Variants in DSCAM observed in about 807,000 individuals in gnomAD.
DSCAM encodes DS cell adhesion molecule.
Under a neutral mutation model 217.7 loss-of-function variants are expected in DSCAM, and 47 were observed. The observed-to-expected ratio is 0.22, with a 90% CI of 0.17 to 0.28. The LOEUF is 0.28. DSCAM is among the 10% of genes least tolerant of loss of function. The probability of loss-of-function intolerance (pLI) is 1.00; values close to 1 mark genes in which losing one functional copy is unlikely to be tolerated. For synonymous variants in DSCAM, 1,056 were observed against 1,015.3 expected, an observed-to-expected ratio of 1.04 and a Z score of -0.76; for missense variants, 2,080 against 2,618.3, an observed-to-expected ratio of 0.79 and a Z score of 4.49.
rs41445251 is a variant in DSCAM, at chr21:40,093,821, G to A, written c.3750C>T (p.Asn1250=). The part of the protein sequence containing the change: ...SPDSFSYRIP[N]LSRNRQYSVW... ...CGCTGTACTGACGATTCCTACTCAG[G>A]TTGGGAATTCTGTAGGAAAACGAGT... Residue 1250 remains asparagine (N), a synonymous_variant, in exon 21 of 33, where the codon AAC becomes AAT. Transcript: ENST00000400454. 3,003 of 1,613,946 alleles carry A rather than the reference G, an allele frequency of 1.9e-3. 49 individuals are homozygous for A. The Admixed American group carries it at 0.027, about 15-fold the overall frequency.
intron 3 of DSCAM, among the ~76,000 whole-genome samples, chr21:40,657,717 T>C (rs974211993): frequency 3.3e-5 from 5 of 152,204 alleles, no homozygotes; most frequent in African/African-American, 1.2e-4. Context: ...AAATGATTTC[T>C]AAAGTACTGG....
intron 3 of DSCAM, among the ~76,000 whole-genome samples, chr21:40,645,055 CG>C (rs2089929008): frequency 6.6e-6 from 1 of 152,076 alleles, no homozygotes; most frequent in Admixed American, 6.6e-5. Flanking sequence ...ATACACATAC[CG>C]GGGGCTGCCA....
At chr21:40,743,561 T>C (rs1284252208) in intron 1 of DSCAM, among the ~76,000 whole-genome samples, 2 of 152,082 alleles carry the variant, frequency 1.3e-5, no homozygotes, top group Non-Finnish European at 2.9e-5. Context: ...CCCCAAAACA[T>C]GCAGTGAGGA....
intron 3 of DSCAM, among the ~76,000 whole-genome samples, chr21:40,634,375 T>C (rs571933075): frequency 1.3e-5 from 2 of 152,172 alleles, no homozygotes; most frequent in Non-Finnish European, 2.9e-5. Flanking sequence ...CGGAACCGTG[T>C]TTCCCCACTC....
chr21:40,815,410 C>A (rs762226124), intron 1 of DSCAM, among the ~76,000 whole-genome samples: 1 of 152,110 alleles, frequency 6.6e-6, no homozygotes, highest in Non-Finnish European at 1.5e-5. Flanking sequence ...ACCTAGTCAG[C>A]AAATATAAGC....
intron 4 of DSCAM, among the ~76,000 whole-genome samples, chr21:40,361,129 T>TTATATA (rs535296947): frequency 2.0e-5 from 3 of 149,076 alleles, no homozygotes; most frequent in African/African-American, 4.9e-5. Context: ...CTTCAAACTT[T>TTATATA]TATATATATA....
intron 3 of DSCAM, among the ~76,000 whole-genome samples, chr21:40,658,244 A>G (rs946113120): frequency 1.3e-5 from 2 of 152,238 alleles, no homozygotes; most frequent in South Asian, 2.1e-4. Context: ...CAAAGAAAAC[A>G]TATCAAAGGC....
At chr21:40,392,102 TATCCTCGTCTGGC>T (rs1466457695) in intron 3 of DSCAM, among the ~76,000 whole-genome samples, 1 of 152,216 alleles carries the variant, frequency 6.6e-6, no homozygotes, top group Non-Finnish European at 1.5e-5. Context: ...TTATTCTACA[TATCCTCGTCTGGC>T]ATCCAACACA....
chr21:40,630,247 C>T (rs2089670847), intron 3 of DSCAM, among the ~76,000 whole-genome samples: 1 of 152,214 alleles, frequency 6.6e-6, no homozygotes, highest in Non-Finnish European at 1.5e-5. Context: ...ATAAAATCTA[C>T]AGGAAATGCA....
Position 40,075,201 on chromosome 21 carries a change from G to T in DSCAM, c.4724C>A (p.Pro1575Gln). The change falls in exon 27 of 33, where the codon CCA becomes CAA. Residue 1575 changes from proline (P) to glutamine (Q), a missense_variant. Pro to Gln is a moderately conservative substitution (Grantham distance 76, BLOSUM62 -1). This residue lies in a region of DSCAM where 1,144 missense variants were observed against 1,421.1 expected (regional missense o/e 0.81). Transcript: ENST00000400454. ...TLNYDGSTIP[P>Q]LIKSVVQNEE... ...GTTTTGGACAACTGACTTAATGAGT[G>T]GAGGAATTGTACCTGAAAGCAGGGC... The T allele has an allele frequency of 6.2e-7, 1 of 1,614,192 alleles. No homozygotes were observed. Among genetic ancestry groups the T allele is most frequent in the Non-Finnish European group, 8.5e-7 (1 of 1,180,030 alleles).
chr21:40,294,703 T>C (rs1026069747), intron 10 of DSCAM, among the ~76,000 whole-genome samples: 2 of 152,226 alleles, frequency 1.3e-5, no homozygotes, highest in African/African-American at 4.8e-5. Flanking sequence ...AAAATGTCCA[T>C]AATATCAAAT....
chr21:40,456,191 C>A (rs534291729), intron 3 of DSCAM, among the ~76,000 whole-genome samples: 1 of 151,716 alleles, frequency 6.6e-6, no homozygotes, highest in African/African-American at 2.4e-5. Flanking sequence ...TGAAAATGAT[C>A]ACAATGCCCT....
chr21:40,559,242 A>C (rs1184994469), intron 3 of DSCAM, among the ~76,000 whole-genome samples: 1 of 151,970 alleles, frequency 6.6e-6, no homozygotes, highest in South Asian at 2.1e-4. Flanking sequence ...GAGGATCACG[A>C]GGGCAGGAGA....
intron 3 of DSCAM, among the ~76,000 whole-genome samples, chr21:40,487,102 A>G (rs2146000846): frequency 6.6e-6 from 1 of 152,278 alleles, no homozygotes; most frequent in East Asian, 1.9e-4. Flanking sequence ...GGTCTTTAGC[A>G]CAAAGGTTTG....
At chr21:40,532,282 C>T (rs1011612922) in intron 3 of DSCAM, among the ~76,000 whole-genome samples, 3 of 151,970 alleles carry the variant, frequency 2.0e-5, no homozygotes, top group Non-Finnish European at 4.4e-5. Flanking sequence ...TCAGATAAGA[C>T]AGTTGCTGAC....
At chr21:40,020,046 G>T (rs988077757) in intron 32 of DSCAM, among the ~76,000 whole-genome samples, 3 of 151,690 alleles carry the variant, frequency 2.0e-5, no homozygotes, top group African/African-American at 7.3e-5. Flanking sequence ...ATCTCTTCTT[G>T]AATTGTAGCT....
intron 3 of DSCAM, among the ~76,000 whole-genome samples, chr21:40,605,336 C>T (rs1023940233): frequency 2.6e-5 from 4 of 152,164 alleles, no homozygotes; most frequent in Non-Finnish European, 5.9e-5. Flanking sequence ...GACCTCAATC[C>T]TCTGATGAAT....
chr21:40,784,350 G>T (rs574779787), intron 1 of DSCAM, among the ~76,000 whole-genome samples: 2 of 152,092 alleles, frequency 1.3e-5, no homozygotes, highest in Non-Finnish European at 2.9e-5. Context: ...GTCTGCTGCC[G>T]TGTAAGGCGT....
intron 1 of DSCAM, among the ~76,000 whole-genome samples, chr21:40,774,824 C>T (rs1398361492): frequency 6.6e-6 from 1 of 151,770 alleles, no homozygotes; most frequent in African/African-American, 2.4e-5. Flanking sequence ...ACAGATTCAA[C>T]AAAGATCTCC....
Sources: allele counts gnomAD v4.1 joint callset (sites outside exome capture counted in the v4.1 genomes callset), GRCh38; gene constraint gnomAD v4.1.1; regional missense constraint gnomAD v4.1.1; transcripts MANE v1.5; gene names NCBI Gene and HGNC (gene_info 2026-07-23, HGNC 2026-07-21).